The following CERK variants were observed in gnomAD, a reference collection of about 807,000 sequenced individuals.
The protein encoded by CERK is acylsphingosine kinase.
In CERK, 39 loss-of-function variants were observed where a neutral mutation model predicts 63.4. The observed-to-expected ratio is 0.61, with a 90% CI of 0.48 to 0.80. The LOEUF is 0.80. Ranked by LOEUF, CERK falls within the 30% of genes least tolerant of loss-of-function variation. CERK has a pLI of 0.00. For missense variants in CERK, 670 were observed against 714.1 expected (o/e 0.94, Z 0.70); for synonymous variants, 302 against 280.0 (o/e 1.08, Z -0.78).
At chr22:46,729,133 C>T (rs1443098196) in intron 1 of CERK, among the ~76,000 whole-genome samples, 3 of 152,126 alleles carry the variant, frequency 2.0e-5, no homozygotes, top group East Asian at 3.9e-4. Context: ...GAGGCTGAAG[C>T]GGGAGGACTG....
chr22:46,725,657 C>T (rs1569329616), intron 1 of CERK, among the ~76,000 whole-genome samples: 1 of 152,242 alleles, frequency 6.6e-6, no homozygotes, highest in Non-Finnish European at 1.5e-5. Flanking sequence ...TCGTGAGACA[C>T]CACAGTGACT....
intron 8 of CERK, among the ~76,000 whole-genome samples, chr22:46,695,794 C>T (rs2082753234): frequency 6.6e-6 from 1 of 152,246 alleles, no homozygotes; most frequent in Non-Finnish European, 1.5e-5. Context: ...GGGCCGCTGC[C>T]ACCCAAAGTC....
intron 6 of CERK, among the ~76,000 whole-genome samples, chr22:46,707,385 G>A (rs749715922): frequency 1.2e-4 from 18 of 152,272 alleles, no homozygotes; most frequent in South Asian, 2.1e-4. Flanking sequence ...AGCTGTTCCC[G>A]GGCTCGGCTA....
Position 46,700,127 on chromosome 22 carries a change from C to T in CERK, c.791-662G>A, listed in dbSNP as rs182255400. 6.7e-4 allele frequency among the ~76,000 whole-genome samples: 102 copies of T among 151,778 alleles called. 1 individual carries two copies. The highest frequency in any genetic ancestry group is 2.2e-3 in the African/African-American group (91 of 41,360). ...AAAATAGGCCAGGTGCGGTGGCCCG[C>T]GCCTGTAAGTAACCCCAGCACTTTG... On this transcript the variant is annotated intron_variant, in intron 7 of 12. Coordinates refer to ENST00000216264, the MANE Select transcript of CERK (RefSeq NM_022766.6).
Position 46,686,118 on chromosome 22 carries a change from G to A in CERK, c.*1016C>T, listed in dbSNP as rs2082699626. The A allele has an allele frequency of 6.6e-6, 1 of 152,138 alleles. No homozygotes were observed. Among genetic ancestry groups the A allele is most frequent in the African/African-American group, 2.4e-5 (1 of 41,438 alleles). The allele number at this position is 152,138 out of a possible 1,614,324, so 9.4% of individuals were successfully genotyped here. On this transcript the variant is annotated 3_prime_UTR_variant, in exon 13 of 13. Coordinates refer to ENST00000216264, the MANE Select transcript of CERK (RefSeq NM_022766.6). Reference sequence around the variant, plus strand: ...CAGAGGAAACCAGCGATCCATCGTGGCTTCGAGGCAAAAGACAGACATCCG... The same window carrying A: ...CAGAGGAAACCAGCGATCCATCGTGACTTCGAGGCAAAAGACAGACATCCG...
At chr22:46,717,303 C>T (rs9616106) in intron 3 of CERK, among the ~76,000 whole-genome samples, 19,628 of 152,220 alleles carry the variant, frequency 0.13, 1,618 homozygotes, top group African/African-American at 0.23. Flanking sequence ...GAAATGCAGA[C>T]GGGTGCAAAA....
At chr22:46,722,235 A>G (rs907595052) in intron 1 of CERK, among the ~76,000 whole-genome samples, 1 of 152,184 alleles carries the variant, frequency 6.6e-6, no homozygotes, top group Admixed American at 6.5e-5. Context: ...ATTTGTGGTA[A>G]TTTTGCATCA....
chr22:46,710,643 G>A (rs1350912412), intron 5 of CERK, among the ~76,000 whole-genome samples: 1 of 152,180 alleles, frequency 6.6e-6, no homozygotes, highest in African/African-American at 2.4e-5. Context: ...CTACAAGTGA[G>A]AGGCTAAATA....
At chr22:46,689,924 G>C in intron 12 of CERK, 68 bp downstream of exon 12, 1 of 1,256,514 alleles carries the variant, frequency 8.0e-7, no homozygotes, top group East Asian at 2.5e-5. Context: ...CCTGGGTGGG[G>C]CAGCTTGTGA....
chr22:46,689,465 G>A (rs775646067), intron 12 of CERK, among the ~76,000 whole-genome samples: 10 of 152,322 alleles, frequency 6.6e-5, no homozygotes, highest in Non-Finnish European at 1.5e-4. Flanking sequence ...CTGCCTCCTG[G>A]GTTCAAGCGA....
chr22:46,690,026 C>T lies in CERK; in HGVS notation c.1507G>A (p.Gly503Arg), dbSNP rs1159221889. The change falls in exon 12 of 13, where the codon GGG becomes AGG. Residue 503 changes from glycine (G) to arginine (R), a missense_variant. Gly to Arg is a moderately radical substitution (Grantham distance 125). Transcript: ENST00000216264. ...TVSNSSWNCD[G>R]EVLHSPAIEV... ...ATGGCAGGGCTGTGCAGGACCTCCCCGTCGCAGTTCCAGGAGCTGTTGGAG... is the reference window on the plus strand; with the variant it reads ...ATGGCAGGGCTGTGCAGGACCTCCCTGTCGCAGTTCCAGGAGCTGTTGGAG... 2.5e-6 allele frequency: 4 copies of T among 1,611,266 alleles called. No homozygotes were observed. The highest frequency in any genetic ancestry group is 3.4e-6 in the Non-Finnish European group (4 of 1,179,900).
rs181309499 is a variant in CERK at position 46,701,542 on chromosome 22, C to T, written c.790+94G>A. 330 of 1,077,292 alleles carry T rather than the reference C, an allele frequency of 3.1e-4. 2 individuals are homozygous for T. Among genetic ancestry groups the T allele is most frequent in the African/African-American group, 2.9e-3 (183 of 63,838 alleles). The allele number at this position is 1,077,292 out of a possible 1,614,324, so 66.7% of individuals were successfully genotyped here. A position where few individuals can be genotyped will look rare whatever the true frequency, so the allele number is the denominator to read the frequency against. Reference sequence around the variant, plus strand: ...ACCCACGGCCAGGACAGGACGGCAACGGCTGGAACACGCGACGGGGACCAG... The same window carrying T: ...ACCCACGGCCAGGACAGGACGGCAATGGCTGGAACACGCGACGGGGACCAG... On this transcript the variant is annotated intron_variant, in intron 7 of 12. Coordinates refer to ENST00000216264, the MANE Select transcript of CERK (RefSeq NM_022766.6).
intron 6 of CERK, among the ~76,000 whole-genome samples, chr22:46,704,095 G>A (rs960988991): frequency 2.0e-5 from 3 of 152,220 alleles, no homozygotes; most frequent in Non-Finnish European, 4.4e-5. Context: ...CCCACATTTG[G>A]TGGGGTGCCT....
intron 12 of CERK, among the ~76,000 whole-genome samples, chr22:46,689,216 C>T (rs1344343102): frequency 3.3e-5 from 5 of 152,264 alleles, no homozygotes. Flanking sequence ...TCCTCTCCTT[C>T]CCATCCTCGG....
At chr22:46,709,144 G>T (rs1006149915) in intron 5 of CERK, among the ~76,000 whole-genome samples, 1 of 152,232 alleles carries the variant, frequency 6.6e-6, no homozygotes, top group Non-Finnish European at 1.5e-5. Context: ...TGAATGGGCA[G>T]TGTAGCATCT....
intron 5 of CERK, among the ~76,000 whole-genome samples, chr22:46,709,894 C>T (rs1194826555): frequency 6.6e-6 from 1 of 151,822 alleles, no homozygotes; most frequent in Non-Finnish European, 1.5e-5. Flanking sequence ...AAAATATTTG[C>T]AAAAATATGA....
chr22:46,706,258 C>T (rs755997347), intron 6 of CERK, among the ~76,000 whole-genome samples: 1 of 152,214 alleles, frequency 6.6e-6, no homozygotes, highest in Non-Finnish European at 1.5e-5. Flanking sequence ...CAGACATCAG[C>T]CAAGGCCCAG....
intron 3 of CERK, among the ~76,000 whole-genome samples, chr22:46,716,225 C>A (rs1044535841): frequency 1.4e-5 from 2 of 146,312 alleles, no homozygotes. Context: ...GAGTTTTGCT[C>A]TTTCGCCCAG....
At chr22:46,734,877 AT>A (rs1429648052) in intron 1 of CERK, among the ~76,000 whole-genome samples, 1 of 152,170 alleles carries the variant, frequency 6.6e-6, no homozygotes, top group Non-Finnish European at 1.5e-5. Flanking sequence ...CAGGAAAAAC[AT>A]TTTTTTAAAG....
Sources: allele counts gnomAD v4.1 joint callset (sites outside exome capture counted in the v4.1 genomes callset), GRCh38; gene constraint gnomAD v4.1.1; transcripts MANE v1.5; gene names NCBI Gene and HGNC (gene_info 2026-07-23, HGNC 2026-07-21).